Variants in DGKB observed in about 807,000 individuals in gnomAD.
DGKB encodes the protein diacylglycerol kinase beta.
In DGKB, 67 loss-of-function variants were observed where a neutral mutation model predicts 114.3. That is an observed-to-expected ratio of 0.59 (90% CI 0.48 to 0.72). DGKB has a LOEUF of 0.72. DGKB is among the 30% of genes least tolerant of loss of function. DGKB has a pLI of 0.00. For synonymous variants in DGKB, 398 were observed against 323.1 expected (o/e 1.23, Z -2.49); for missense variants, 907 against 975.2 (o/e 0.93, Z 0.93).
At chr7:14,182,168 C>T (rs775911918) in intron 23 of DGKB, among the ~76,000 whole-genome samples, 65 of 152,044 alleles carry the variant, frequency 4.3e-4, no homozygotes, top group Non-Finnish European at 7.9e-4. Context: ...TTTAATTATC[C>T]ACAATACCAA....
chr7:14,445,786 A>C (rs2128823077), intron 21 of DGKB, among the ~76,000 whole-genome samples: 1 of 152,100 alleles, frequency 6.6e-6, no homozygotes, highest in Admixed American at 6.6e-5. Flanking sequence ...CACGGGTATA[A>C]GTTTCATGTT....
intron 23 of DGKB, among the ~76,000 whole-genome samples, chr7:14,296,238 G>T (rs1802538653): frequency 6.6e-6 from 1 of 151,702 alleles, no homozygotes; most frequent in Admixed American, 6.6e-5. Flanking sequence ...CACCATGTTG[G>T]CCAGGATGGT....
intron 13 of DGKB, among the ~76,000 whole-genome samples, chr7:14,651,018 CA>C (rs1312286156): frequency 2.0e-5 from 3 of 151,706 alleles, no homozygotes; most frequent in Admixed American, 6.6e-5. Context: ...GCTTACCAAC[CA>C]AAAAGAGTCC....
chr7:14,420,253 T>G (rs1015452920), intron 21 of DGKB, among the ~76,000 whole-genome samples: 2 of 151,936 alleles, frequency 1.3e-5, no homozygotes, highest in Non-Finnish European at 2.9e-5. Flanking sequence ...TACTCTGTAT[T>G]AAAGATGAAT....
intron 23 of DGKB, among the ~76,000 whole-genome samples, chr7:14,224,334 T>G (rs967756956): frequency 2.0e-5 from 3 of 152,034 alleles, no homozygotes; most frequent in Non-Finnish European, 4.4e-5. Context: ...ATGTTTCCTT[T>G]GAAATAGTTT....
intron 13 of DGKB, among the ~76,000 whole-genome samples, chr7:14,666,664 G>C (rs752290968): frequency 1.3e-5 from 2 of 151,698 alleles, no homozygotes; most frequent in Non-Finnish European, 2.9e-5. Context: ...CATTTTTTTG[G>C]AAGTAAAATA....
chr7:14,833,107 T>G (rs2128125642), intron 2 of DGKB, among the ~76,000 whole-genome samples: 1 of 152,222 alleles, frequency 6.6e-6, no homozygotes, highest in Non-Finnish European at 1.5e-5. Flanking sequence ...TGAATTCGGT[T>G]CATTCTGCCT....
chr7:14,734,541 A>G (rs1173289604), intron 5 of DGKB, among the ~76,000 whole-genome samples: 1 of 152,194 alleles, frequency 6.6e-6, no homozygotes, highest in African/African-American at 2.4e-5. Flanking sequence ...GCTATATGAC[A>G]TATGATCCAG....
chr7:14,355,856 C>A (rs1296197436), intron 21 of DGKB, among the ~76,000 whole-genome samples: 1 of 152,166 alleles, frequency 6.6e-6, no homozygotes, highest in Non-Finnish European at 1.5e-5. Context: ...GGAATGGTAC[C>A]AGCTCCTCCT....
intron 21 of DGKB, among the ~76,000 whole-genome samples, chr7:14,350,226 C>G (rs572625560): frequency 1.5e-3 from 223 of 152,166 alleles, no homozygotes; most frequent in African/African-American, 5.2e-3. Context: ...CAAGCAAAAT[C>G]CTTCTTGTTG....
At chr7:14,844,326 G>T (rs1391910087) in intron 1 of DGKB, among the ~76,000 whole-genome samples, 2 of 152,188 alleles carry the variant, frequency 1.3e-5, no homozygotes, top group Non-Finnish European at 2.9e-5. Context: ...ATGTGTTAGG[G>T]ATAGGAAGCC....
intron 14 of DGKB, among the ~76,000 whole-genome samples, chr7:14,627,455 T>C (rs945373217): frequency 7.2e-5 from 11 of 152,072 alleles, no homozygotes; most frequent in African/African-American, 2.7e-4. Flanking sequence ...CTTACAAGAT[T>C]TCTGTTAAGG....
intron 15 of DGKB, among the ~76,000 whole-genome samples, chr7:14,618,163 A>C (rs1294247253): frequency 6.6e-6 from 1 of 151,466 alleles, no homozygotes; most frequent in Non-Finnish European, 1.5e-5. Flanking sequence ...CATCAAAGAA[A>C]GTGAATTGAT....
At chr7:14,314,078 G>C (rs965525299) in intron 23 of DGKB, among the ~76,000 whole-genome samples, 2 of 152,094 alleles carry the variant, frequency 1.3e-5, no homozygotes, top group Admixed American at 6.5e-5. Context: ...GGTCCTGTCT[G>C]TTAGAAGGAA....
chr7:14,280,007 G>A (rs191867089), intron 23 of DGKB, among the ~76,000 whole-genome samples: 1,974 of 151,850 alleles, frequency 0.013, 46 homozygotes, highest in African/African-American at 0.044. Flanking sequence ...AAAGCTGGAC[G>A]GAGAATGACT....
chr7:14,650,823 A>C (rs80320556), intron 13 of DGKB, among the ~76,000 whole-genome samples: 108,842 of 144,684 alleles, frequency 0.75, 41,182 homozygotes, highest in Admixed American at 0.82. Context: ...ATATCACCAC[A>C]GATCCCACAG....
intron 1 of DGKB, among the ~76,000 whole-genome samples, chr7:14,919,095 A>AACACACACACACACACACAC (rs3036019): frequency 1.5e-4 from 17 of 114,966 alleles, no homozygotes; most frequent in African/African-American, 5.4e-4. Context: ...CACACACACA[A>AACACACACACACACACACAC]ACACACACAC....
rs192649813 is a variant in DGKB at position 14,746,703 on chromosome 7, G to A, written c.168+7225C>T. On this transcript the variant is annotated intron_variant, in intron 4 of 25. Transcript: ENST00000402815. ...TAGTAGAGACAGGGTTTCACCATGT[G>A]GGCCAGGCTGGTCATGAACTCCTAA... Among the ~76,000 whole-genome samples the A allele has an allele frequency of 3.5e-3, 527 of 151,904 alleles. 8 individuals are homozygous for A. Among genetic ancestry groups the A allele is most frequent in the East Asian group, 5.4e-3 (28 of 5,142 alleles).
At chr7:14,275,073 C>T (rs757901374) in intron 23 of DGKB, among the ~76,000 whole-genome samples, 1 of 151,966 alleles carries the variant, frequency 6.6e-6, no homozygotes, top group Non-Finnish European at 1.5e-5. Flanking sequence ...ACAGATTAAA[C>T]ATCACTTTCT....
Sources: allele counts gnomAD v4.1 joint callset (sites outside exome capture counted in the v4.1 genomes callset), GRCh38; gene constraint gnomAD v4.1.1; transcripts MANE v1.5; gene names NCBI Gene and HGNC (gene_info 2026-07-23, HGNC 2026-07-21).